The following MYO1B variants were observed in gnomAD, a reference collection of about 807,000 sequenced individuals.
MYO1B encodes the protein unconventional myosin-Ib.
MYO1B carries 72 observed loss-of-function variants against 159.7 expected under a neutral mutation model. The ratio of observed to expected loss-of-function variants is 0.45; its 90% CI spans 0.37 to 0.55. The LOEUF (loss-of-function observed/expected upper bound fraction) is 0.55, where lower values mean the gene tolerates loss of function less well. MYO1B is among the 20% of genes least tolerant of loss of function. The pLI is 0.00. For synonymous variants in MYO1B, 468 were observed against 473.8 expected (o/e 0.99, Z 0.16); for missense variants, 1,062 against 1,364.8 (o/e 0.78, Z 3.50).
In MYO1B at chr2:191,392,090, T is replaced by C. The variant is rs767964254; in HGVS notation, c.1983-18T>C. On this transcript the variant is annotated intron_variant, in intron 18 of 30. Transcript: ENST00000392318. ...TTGTAACTCAGAAAACTCACTGTTT[T>C]TATTTTTATTTTTTTAGGTCTGGTG... The C allele has an allele frequency of 9.5e-6, 15 of 1,573,192 alleles. No homozygotes were observed. Among genetic ancestry groups the C allele is most frequent in the African/African-American group, 2.7e-5 (2 of 73,948 alleles).
At chr2:191,293,933 A>G (rs1688827940) in intron 2 of MYO1B, among the ~76,000 whole-genome samples, 1 of 152,194 alleles carries the variant, frequency 6.6e-6, no homozygotes, top group Non-Finnish European at 1.5e-5. Context: ...TGAGTATAGT[A>G]TATTTGATCT....
At chr2:191,405,231 T>C (rs1219927417) in intron 24 of MYO1B, among the ~76,000 whole-genome samples, 3 of 152,226 alleles carry the variant, frequency 2.0e-5, no homozygotes, top group Non-Finnish European at 4.4e-5. Flanking sequence ...TTCCATCTTA[T>C]CTTGAGATTG....
chr2:191,402,321 G>A (rs1696664885), intron 23 of MYO1B: 1 of 360,920 alleles, frequency 2.8e-6, no homozygotes, highest in Non-Finnish European at 5.2e-6. Context: ...AAAGAGTGTG[G>A]AGAAGGCAGC....
intron 6 of MYO1B, among the ~76,000 whole-genome samples, chr2:191,349,069 C>T (rs1692752273): frequency 6.6e-6 from 1 of 152,212 alleles, no homozygotes; most frequent in Non-Finnish European, 1.5e-5. Flanking sequence ...GCACCAGGAC[C>T]CACTGTAGGA....
chr2:191,278,909 T>G (rs929325132), intron 2 of MYO1B, among the ~76,000 whole-genome samples: 8 of 152,230 alleles, frequency 5.3e-5, no homozygotes, highest in African/African-American at 1.9e-4. Context: ...TCATTTTTCT[T>G]TTTGGCTCTG....
intron 13 of MYO1B, among the ~76,000 whole-genome samples, chr2:191,371,389 T>G (rs775117877): frequency 1.3e-5 from 2 of 152,212 alleles, no homozygotes; most frequent in Non-Finnish European, 2.9e-5. Context: ...TATTCTATAT[T>G]TAATAGCTAA....
intron 1 of MYO1B, among the ~76,000 whole-genome samples, chr2:191,248,303 T>C (rs551312557): frequency 1.1e-4 from 16 of 152,350 alleles, no homozygotes; most frequent in African/African-American, 3.8e-4. Flanking sequence ...GTTAAGTAAC[T>C]TGCCCCTTAC....
rs76722418 is a variant in MYO1B at position 191,346,218 on chromosome 2, C to G, written c.452-18C>G. 679 of 1,542,400 alleles carry G rather than the reference C, an allele frequency of 4.4e-4. 13 individuals carry two copies. In the East Asian group the frequency reaches 0.016, roughly 35 times the overall value. The stretch of plus-strand genomic sequence containing the variant: ...TATTATTATTTTTTTAACCATACAT[C>G]TGTTTCTTTCCTACTAGCTTTTGGA... On this transcript the variant is annotated intron_variant, in intron 5 of 30. Transcript: ENST00000392318.
chr2:191,390,395 A>G lies in MYO1B; in HGVS notation c.1885A>G (p.Arg629Gly). 1 of 1,614,256 alleles carries G rather than the reference A, an allele frequency of 6.2e-7. No individual in the cohort carries two copies. Among genetic ancestry groups the G allele is most frequent in the Non-Finnish European group, 8.5e-7 (1 of 1,180,036 alleles). ...GCTTTTGGAGAACGTCCGAGTGCGGAGGGCAGGCTACGCCTTCAGGCAGGC... is the reference window on the plus strand; with the variant it reads ...GCTTTTGGAGAACGTCCGAGTGCGGGGGGCAGGCTACGCCTTCAGGCAGGC... ...LGLLENVRVRRAGYAFRQAYE... is the reference protein window; with the variant it reads ...LGLLENVRVRGAGYAFRQAYE... The change falls in exon 18 of 31, where the codon AGG becomes GGG. Residue 629 changes from arginine to glycine, a missense_variant. Physicochemically the swap from Arg to Gly is moderately radical, Grantham distance 125. This residue lies in a region of MYO1B where 609 missense variants were observed against 744.4 expected (regional missense o/e 0.82). Transcript: ENST00000392318.
intron 3 of MYO1B, among the ~76,000 whole-genome samples, chr2:191,308,692 CT>C (rs1689800794): frequency 6.6e-6 from 1 of 152,148 alleles, no homozygotes; most frequent in South Asian, 2.1e-4. Context: ...TCTAGTTCAT[CT>C]CTTTTTCTTT....
chr2:191,340,550 G>A (rs1388177997), intron 4 of MYO1B, among the ~76,000 whole-genome samples: 1 of 152,118 alleles, frequency 6.6e-6, no homozygotes, highest in Non-Finnish European at 1.5e-5. Context: ...TGCCTCATGT[G>A]GCCTATTCTT....
chr2:191,414,947 C>G (rs1421143030), intron 29 of MYO1B, among the ~76,000 whole-genome samples: 1 of 152,132 alleles, frequency 6.6e-6, no homozygotes, highest in Non-Finnish European at 1.5e-5. Flanking sequence ...TATGTATCAA[C>G]TTAGTAAATG....
intron 15 of MYO1B, among the ~76,000 whole-genome samples, chr2:191,384,246 T>A (rs367764701): frequency 2.0e-5 from 3 of 152,262 alleles, no homozygotes; most frequent in South Asian, 4.1e-4. Flanking sequence ...TACTAATACC[T>A]GACTTTGAAT....
At chr2:191,273,991 G>T (rs1339815307) in intron 1 of MYO1B, among the ~76,000 whole-genome samples, 3 of 152,178 alleles carry the variant, frequency 2.0e-5, no homozygotes, top group Non-Finnish European at 4.4e-5. Flanking sequence ...CAAGGCTAGA[G>T]ATGGTGGTCA....
At position 191,307,970 on chromosome 2, in the gene MYO1B, C is replaced by T. The variant is rs115122202; in HGVS notation, c.251+11744C>T. 3.8e-3 allele frequency among the ~76,000 whole-genome samples: 577 copies of T among 152,202 alleles called. 4 individuals are homozygous for T. Among genetic ancestry groups the T allele is most frequent in the African/African-American group, 0.013 (553 of 41,520 alleles). On this transcript the variant is annotated intron_variant, in intron 3 of 30. Transcript: ENST00000392318. ...TGTTCACCAACCTAGATCCCTCCAT[C>T]TCCCCAAAAAAACAGAATTGTGTTC...
rs1485398623 is a variant in MYO1B at position 191,360,571 on chromosome 2, A to G, written c.563-60A>G. The G allele has an allele frequency of 8.6e-6, 9 of 1,046,936 alleles. No individual in the cohort carries two copies. The East Asian group carries it at 2.2e-4, about 26-fold the overall frequency. The allele number at this position is 1,046,936 out of a possible 1,614,324, so 64.9% of individuals were successfully genotyped here. ...GAAAAAAGAAAGTGAGAAGGAAAAAAAGCATGGTGGATTTGGAAGTGAAAC... is the reference window on the plus strand; with the variant it reads ...GAAAAAAGAAAGTGAGAAGGAAAAAGAGCATGGTGGATTTGGAAGTGAAAC... On this transcript the variant is annotated intron_variant, in intron 7 of 30. Coordinates refer to ENST00000392318, the MANE Select transcript of MYO1B (RefSeq NM_001130158.3).
chr2:191,358,878 C>T (rs1693474643), intron 7 of MYO1B, among the ~76,000 whole-genome samples: 1 of 152,210 alleles, frequency 6.6e-6, no homozygotes, highest in Admixed American at 6.5e-5. Flanking sequence ...AAGGTCATCA[C>T]GTGTCCAGCT....
Position 191,341,578 on chromosome 2 carries a change from A to G in MYO1B, c.451+13A>G, listed in dbSNP as rs1354593651. On this transcript the variant is annotated intron_variant, in intron 5 of 30. Transcript: ENST00000392318. The stretch of plus-strand genomic sequence containing the variant: ...CCGGTCCTGGAAGGTAGGATGTGTT[A>G]TGTTCATTAAGTCGGTGTGACTCAA... 6.2e-7 allele frequency: 1 copy of G among 1,602,756 alleles called. No homozygotes were observed. The highest frequency in any genetic ancestry group is 8.5e-7 in the Non-Finnish European group (1 of 1,170,246).
chr2:191,333,180 T>A (rs1691603260), intron 4 of MYO1B, among the ~76,000 whole-genome samples: 1 of 152,214 alleles, frequency 6.6e-6, no homozygotes, highest in South Asian at 2.1e-4. Flanking sequence ...TTTTTTTCCT[T>A]AGGCAGTCTC....
Sources: allele counts gnomAD v4.1 joint callset (sites outside exome capture counted in the v4.1 genomes callset), GRCh38; gene constraint gnomAD v4.1.1; regional missense constraint gnomAD v4.1.1; transcripts MANE v1.5; gene names NCBI Gene and HGNC (gene_info 2026-07-23, HGNC 2026-07-21).